Variants in DLG2 observed in about 807,000 individuals in gnomAD.
The protein encoded by DLG2 is discs large MAGUK scaffold protein 2, also known as disks large homolog 2.
Under a neutral mutation model 132.5 loss-of-function variants are expected in DLG2, and 45 were observed. The observed-to-expected ratio is 0.34, with a 90% CI of 0.27 to 0.44. The LOEUF is 0.44. Ranked by LOEUF, DLG2 falls within the 20% of genes least tolerant of loss-of-function variation. The pLI is 1.00. For synonymous variants in DLG2, 424 were observed against 419.6 expected (o/e 1.01, Z -0.13); for missense variants, 1,045 against 1,196.9 (o/e 0.87, Z 1.87).
In DLG2 at chr11:85,485,137, G is replaced by A. The variant is rs1023095891; in HGVS notation, c.40+113520C>T. ...AAACACTGCATGTTCTCACTCATAGGTGGGAATTGAACAATGAGAACACAT... is the reference window on the plus strand; with the variant it reads ...AAACACTGCATGTTCTCACTCATAGATGGGAATTGAACAATGAGAACACAT... On this transcript the variant is annotated intron_variant, in intron 3 of 27. Coordinates refer to ENST00000376104, the MANE Select transcript of DLG2 (RefSeq NM_001142699.3). Among the ~76,000 whole-genome samples, 51 of 151,786 alleles carry A rather than the reference G, an allele frequency of 3.4e-4. 1 individual carries two copies. The highest frequency in any genetic ancestry group is 1.1e-3 in the African/African-American group (46 of 41,302).
At chr11:85,618,870 T>C (rs1173028350) in intron 2 of DLG2, among the ~76,000 whole-genome samples, 1 of 152,198 alleles carries the variant, frequency 6.6e-6, no homozygotes, top group African/African-American at 2.4e-5. Flanking sequence ...AATCAAATAT[T>C]CTATCATAAA....
Position 84,099,000 on chromosome 11 carries a change from G to C in DLG2, c.672C>G (p.Pro224=), listed in dbSNP as rs2092139442. 1 of 1,613,400 alleles carries C rather than the reference G, an allele frequency of 6.2e-7. No individual in the cohort carries two copies. The highest frequency in any genetic ancestry group is 8.5e-7 in the Non-Finnish European group (1 of 1,179,568). ...GFSIAGGTDN[P]HIGDDPGIFI... ...ATATGCCAGGGTCATCTCCAATGTG[G>C]GGATTATCTGTCCCCCCAGCAATAC... Residue 224 remains proline (P), a synonymous_variant, in exon 10 of 28, where the codon CCC becomes CCG. Coordinates refer to ENST00000376104, the MANE Select transcript of DLG2 (RefSeq NM_001142699.3).
chr11:84,058,808 A>T (rs1175317197), intron 11 of DLG2, among the ~76,000 whole-genome samples: 1 of 151,964 alleles, frequency 6.6e-6, no homozygotes, highest in African/African-American at 2.4e-5. Flanking sequence ...TTTCAAGAAC[A>T]TAAATTTTAA....
chr11:84,754,227 A>G (rs1352725804), intron 6 of DLG2, among the ~76,000 whole-genome samples: 1 of 152,220 alleles, frequency 6.6e-6, no homozygotes, highest in African/African-American at 2.4e-5. Context: ...GATGTAGAAG[A>G]TCTTTATGAA....
intron 6 of DLG2, among the ~76,000 whole-genome samples, chr11:84,654,466 T>G (rs1364971083): frequency 1.3e-5 from 2 of 152,196 alleles, no homozygotes; most frequent in African/African-American, 2.4e-5. Context: ...CCCTACTTTC[T>G]TATCTGTAAT....
chr11:84,138,971 T>A (rs976473644), intron 9 of DLG2, among the ~76,000 whole-genome samples: 72 of 144,252 alleles, frequency 5.0e-4, no homozygotes, highest in Admixed American at 3.4e-4. Context: ...AAAAAAAAAA[T>A]TCACTTTAAC....
chr11:85,067,264 T>C (rs2065065712), intron 6 of DLG2, among the ~76,000 whole-genome samples: 1 of 151,960 alleles, frequency 6.6e-6, no homozygotes, highest in Admixed American at 6.6e-5. Flanking sequence ...GCTAGCAGTC[T>C]ATCAATTTTG....
At chr11:84,236,189 T>A (rs2097156596) in intron 8 of DLG2, among the ~76,000 whole-genome samples, 1 of 152,212 alleles carries the variant, frequency 6.6e-6, no homozygotes, top group Non-Finnish European at 1.5e-5. Context: ...AGAATCCAGA[T>A]AATTTCACTA....
At chr11:84,781,788 G>T (rs1351289153) in intron 6 of DLG2, among the ~76,000 whole-genome samples, 1 of 152,128 alleles carries the variant, frequency 6.6e-6, no homozygotes, top group East Asian at 1.9e-4. Flanking sequence ...AGTATGGAAG[G>T]AAACAAGATA....
chr11:83,488,645 C>G (rs1382175939), intron 21 of DLG2, among the ~76,000 whole-genome samples: 1 of 151,910 alleles, frequency 6.6e-6, no homozygotes, highest in African/African-American at 2.4e-5. Context: ...TTTCATAGTT[C>G]TAAAATGTCA....
At chr11:84,536,755 C>A (rs1045302240) in intron 6 of DLG2, among the ~76,000 whole-genome samples, 1 of 152,180 alleles carries the variant, frequency 6.6e-6, no homozygotes, top group Non-Finnish European at 1.5e-5. Flanking sequence ...TTGCCTGCTG[C>A]CATCTGCCAA....
intron 7 of DLG2, among the ~76,000 whole-genome samples, chr11:84,336,681 G>T (rs574773722): frequency 1.3e-4 from 20 of 152,248 alleles, no homozygotes; most frequent in African/African-American, 4.6e-4. Context: ...CACATTAAAT[G>T]GCCAGCATGG....
chr11:85,194,070 G>A (rs2080846098), intron 4 of DLG2, among the ~76,000 whole-genome samples: 1 of 152,224 alleles, frequency 6.6e-6, no homozygotes, highest in African/African-American at 2.4e-5. Context: ...GCACCATTCT[G>A]TAACAGCTTA....
intron 4 of DLG2, among the ~76,000 whole-genome samples, chr11:85,256,495 CACTT>C (rs1373082263): frequency 3.9e-5 from 6 of 152,194 alleles, no homozygotes; most frequent in Non-Finnish European, 7.4e-5. Flanking sequence ...AGCTGGTTAA[CACTT>C]AAGCCACCTG....
intron 18 of DLG2, among the ~76,000 whole-genome samples, chr11:83,687,391 G>A (rs910371807): frequency 1.2e-4 from 18 of 152,196 alleles, no homozygotes; most frequent in South Asian, 4.1e-4. Context: ...AATCTGTACC[G>A]CTTCAAAGTC....
intron 3 of DLG2, among the ~76,000 whole-genome samples, chr11:85,578,465 T>C (rs2078298366): frequency 6.6e-6 from 1 of 151,962 alleles, no homozygotes. Flanking sequence ...ACCTATACAA[T>C]GGGAGAAAAA....
At position 85,182,228 on chromosome 11, in the gene DLG2, G is replaced by T. The variant is rs559381491; in HGVS notation, c.187-27577C>A. Among the ~76,000 whole-genome samples, 3 of 151,910 alleles carry T rather than the reference G, an allele frequency of 2.0e-5. No homozygotes were observed. The South Asian group carries it at 6.2e-4, about 32-fold the overall frequency. On this transcript the variant is annotated intron_variant, in intron 4 of 27. Coordinates refer to ENST00000376104, the MANE Select transcript of DLG2 (RefSeq NM_001142699.3). ...GAACTGTCAACCCATTTTAACATGA[G>T]GCTTAGAGTAGTTAAGTAACTTGCC...
intron 19 of DLG2, among the ~76,000 whole-genome samples, chr11:83,609,960 G>T (rs1482879363): frequency 6.6e-6 from 1 of 152,202 alleles, no homozygotes; most frequent in Non-Finnish European, 1.5e-5. Flanking sequence ...GGATTTAAAT[G>T]CTTGTCCTTT....
At chr11:85,390,011 T>C (rs1220639881) in intron 3 of DLG2, among the ~76,000 whole-genome samples, 1 of 152,106 alleles carries the variant, frequency 6.6e-6, no homozygotes, top group Non-Finnish European at 1.5e-5. Context: ...CACATCTCCA[T>C]ACTAACACTG....
Sources: allele counts gnomAD v4.1 joint callset (sites outside exome capture counted in the v4.1 genomes callset), GRCh38; gene constraint gnomAD v4.1.1; transcripts MANE v1.5; gene names NCBI Gene and HGNC (gene_info 2026-07-23, HGNC 2026-07-21).